The following HEPHL1 variants were observed in gnomAD, a reference collection of about 807,000 sequenced individuals.
HEPHL1 encodes the protein ferroxidase HEPHL1.
HEPHL1 carries 123 observed loss-of-function variants against 122.0 expected under a neutral mutation model. The ratio of observed to expected loss-of-function variants is 1.01; its 90% confidence interval spans 0.87 to 1.17. The LOEUF is 1.17. Ranked by LOEUF, HEPHL1 falls within the 50% of genes most tolerant of loss-of-function variation. The pLI, the probability that HEPHL1 is intolerant of heterozygous loss-of-function variation, is 0.00. For missense variants in HEPHL1, 1,452 were observed against 1,430.5 expected, an observed-to-expected ratio of 1.01 and a Z score of -0.24; for synonymous variants, 527 against 508.9, an observed-to-expected ratio of 1.04 and a Z score of -0.48.
At chr11:94,036,190 T>C (rs1442329097) in intron 1 of HEPHL1, among the ~76,000 whole-genome samples, 1 of 152,218 alleles carries the variant, frequency 6.6e-6, no homozygotes, top group Non-Finnish European at 1.5e-5. Context: ...CCAGGAAATA[T>C]GTCCACCTCA....
chr11:94,045,220 C>T (rs952925503), intron 1 of HEPHL1, among the ~76,000 whole-genome samples: 7 of 152,198 alleles, frequency 4.6e-5, no homozygotes, highest in African/African-American at 9.6e-5. Context: ...TGAACTATTA[C>T]GTTCCTAGAA....
chr11:94,031,132 CTTG>C (rs1945671001), intron 1 of HEPHL1, among the ~76,000 whole-genome samples: 1 of 151,972 alleles, frequency 6.6e-6, no homozygotes, highest in African/African-American at 2.4e-5. Context: ...AAAACGTGAG[CTTG>C]TTTTTAGTAT....
At chr11:94,097,420 T>G (rs890245723) in intron 13 of HEPHL1, among the ~76,000 whole-genome samples, 26 of 152,084 alleles carry the variant, frequency 1.7e-4, no homozygotes, top group African/African-American at 5.8e-4. Context: ...ATTTGCTCAG[T>G]AGTGCTTTAC....
chr11:94,104,469 A>G (rs1591489917), intron 15 of HEPHL1, 59 bp from the exon 16 acceptor site: 3 of 1,174,440 alleles, frequency 2.6e-6, no homozygotes, highest in Non-Finnish European at 2.5e-6. Flanking sequence ...TGGCAGGTGG[A>G]ATGAAATATT....
chr11:94,051,525 T>C (rs994319906), intron 2 of HEPHL1, among the ~76,000 whole-genome samples: 1 of 152,144 alleles, frequency 6.6e-6, no homozygotes, highest in Non-Finnish European at 1.5e-5. Context: ...ATAGTGTTCC[T>C]TATATATTCT....
At chr11:94,071,432 A>G (rs1463968633) in intron 6 of HEPHL1, among the ~76,000 whole-genome samples, 3 of 152,164 alleles carry the variant, frequency 2.0e-5, no homozygotes, top group Non-Finnish European at 4.4e-5. Context: ...ACCATATGTG[A>G]AAGACTCTGA....
intron 14 of HEPHL1, among the ~76,000 whole-genome samples, chr11:94,101,844 G>A (rs942537341): frequency 5.3e-5 from 8 of 151,966 alleles, no homozygotes; most frequent in East Asian, 1.9e-4. Flanking sequence ...CCCTTATCAC[G>A]GTTTTGCTTT....
chr11:94,091,690 C>T (rs1357900681), intron 12 of HEPHL1, among the ~76,000 whole-genome samples: 2 of 152,094 alleles, frequency 1.3e-5, no homozygotes, highest in Non-Finnish European at 2.9e-5. Flanking sequence ...CAGAAGCACA[C>T]AGCCCTGTCT....
At chr11:94,034,697 AC>A (rs1945705378) in intron 1 of HEPHL1, among the ~76,000 whole-genome samples, 1 of 152,168 alleles carries the variant, frequency 6.6e-6, no homozygotes, top group Non-Finnish European at 1.5e-5. Flanking sequence ...ATAAAACTTC[AC>A]AAAGAAAGTC....
intron 12 of HEPHL1, among the ~76,000 whole-genome samples, chr11:94,089,987 GAC>G (rs1275121162): frequency 6.6e-6 from 1 of 151,912 alleles, no homozygotes; most frequent in Non-Finnish European, 1.5e-5. Flanking sequence ...GTGGCTGCGA[GAC>G]AAACACGACA....
chr11:94,091,486 C>T (rs1946263543), intron 12 of HEPHL1, among the ~76,000 whole-genome samples: 2 of 152,296 alleles, frequency 1.3e-5, no homozygotes, highest in Non-Finnish European at 1.5e-5. Context: ...CCTTGGAAAT[C>T]ATACAGTCTA....
rs1946464494 is a variant in HEPHL1, at chr11:94,113,041, T to G, written c.*1147T>G. 1 of 152,170 alleles carries G rather than the reference T, an allele frequency of 6.6e-6. No homozygotes were observed. Among genetic ancestry groups the G allele is most frequent in the Non-Finnish European group, 1.5e-5 (1 of 68,032 alleles). The allele number at this position is 152,170 out of a possible 1,614,324, so 9.4% of individuals were successfully genotyped here. A position where few individuals can be genotyped will look rare whatever the true frequency, so the allele number is the denominator to read the frequency against. On this transcript the variant is annotated 3_prime_UTR_variant, in exon 20 of 20. Coordinates refer to ENST00000315765, the MANE Select transcript of HEPHL1 (RefSeq NM_001098672.2). ...AGAAAAAGATAATCTTGGTGGCAGA[T>G]TCTCTTAAACCATTAAACCAGCTTT...
At position 94,082,514 on chromosome 11, in the gene HEPHL1, C is replaced by T; in HGVS notation, c.1813C>T (p.Pro605Ser). 20 of 1,613,276 alleles carry T rather than the reference C, an allele frequency of 1.2e-5. No homozygotes were observed. The highest frequency in any genetic ancestry group is 1.7e-5 in the Non-Finnish European group (20 of 1,179,396). Residue 605 changes from proline (P) to serine (S), a missense_variant, in exon 10 of 20, where the codon CCC (proline) becomes TCC (serine). By Grantham distance (74) the Pro-to-Ser change is moderately conservative. Transcript: ENST00000315765. ...AAACATTCAGAAGTTTATCTGGCAT[C>T]CCTTCAGCATTGACAAAGAAGATAA... ...DENIQKFIWH[P>S]FSIDKEDKEF...
At chr11:94,069,021 T>A (rs1043751658) in intron 5 of HEPHL1, among the ~76,000 whole-genome samples, 1 of 152,150 alleles carries the variant, frequency 6.6e-6, no homozygotes, top group Non-Finnish European at 1.5e-5. Context: ...TCAGTTAATA[T>A]GTACTAGATG....
intron 1 of HEPHL1, among the ~76,000 whole-genome samples, chr11:94,037,642 G>T (rs1945738889): frequency 1.3e-5 from 2 of 152,094 alleles, no homozygotes; most frequent in Admixed American, 1.3e-4. Flanking sequence ...TATTCCAACA[G>T]ACCTGCAGCT....
chr11:94,106,293 C>CTT (rs11315401), intron 17 of HEPHL1, among the ~76,000 whole-genome samples, 163 bp downstream of exon 17: 1 of 121,968 alleles, frequency 8.2e-6, no homozygotes. Flanking sequence ...TATTTCTTTT[C>CTT]TTTTTTTTTT....
intron 7 of HEPHL1, 33 bp from the exon 8 acceptor site, chr11:94,073,275 C>A (rs1396084456): frequency 1.2e-6 from 2 of 1,607,404 alleles, no homozygotes; most frequent in Non-Finnish European, 1.7e-6. Context: ...TCTTTTCATT[C>A]TCTTCTCTCT....
At chr11:94,057,095 A>G (rs1419917256) in intron 2 of HEPHL1, among the ~76,000 whole-genome samples, 1 of 152,134 alleles carries the variant, frequency 6.6e-6, no homozygotes, top group Non-Finnish European at 1.5e-5. Flanking sequence ...CTGGGTTCGA[A>G]TGTTCAGATA....
chr11:94,026,628 T>C (rs1461028958), intron 1 of HEPHL1, among the ~76,000 whole-genome samples: 2 of 152,230 alleles, frequency 1.3e-5, no homozygotes, highest in Non-Finnish European at 1.5e-5. Context: ...GTATTTACTA[T>C]GCTCCAGGCA....
Sources: allele counts gnomAD v4.1 joint callset (sites outside exome capture counted in the v4.1 genomes callset), GRCh38; gene constraint gnomAD v4.1.1; transcripts MANE v1.5; gene names NCBI Gene and HGNC (gene_info 2026-07-23, HGNC 2026-07-21).